The following MEIS1 variants were observed in gnomAD, a reference collection of about 807,000 sequenced individuals.
The protein encoded by MEIS1 is homeobox protein Meis1.
MEIS1 carries 5 observed loss-of-function variants against 50.8 expected under a neutral mutation model. The ratio of observed to expected loss-of-function variants is 0.10; its 90% CI spans 0.05 to 0.21. MEIS1 has a LOEUF of 0.21. Among genes scored for constraint, MEIS1 ranks in the 10% least tolerant of loss-of-function variants. MEIS1 has a pLI of 1.00. For synonymous variants in MEIS1, 176 were observed against 179.3 expected, an observed-to-expected ratio of 0.98 and a Z score of 0.15; for missense variants, 318 against 517.3, an observed-to-expected ratio of 0.61 and a Z score of 3.74.
chr2:66,556,136 A>G (rs1675058873), intron 9 of MEIS1, among the ~76,000 whole-genome samples: 1 of 152,200 alleles, frequency 6.6e-6, no homozygotes, highest in South Asian at 2.1e-4. Flanking sequence ...GCCCTCATAA[A>G]TCATTAATAT....
chr2:66,464,263 A>C (rs1236146058), intron 7 of MEIS1, 43 bp downstream of exon 7: 1 of 1,468,094 alleles, frequency 6.8e-7, no homozygotes, highest in Admixed American at 2.0e-5. Flanking sequence ...TTTCATTTTT[A>C]AGGATTGAAA....
chr2:66,453,545 T>A (rs1672321302), intron 6 of MEIS1, among the ~76,000 whole-genome samples: 1 of 151,902 alleles, frequency 6.6e-6, no homozygotes, highest in African/African-American at 2.4e-5. Flanking sequence ...CCAAGATAAA[T>A]AATGAAGGAA....
At chr2:66,489,395 C>A (rs1404038566) in intron 7 of MEIS1, among the ~76,000 whole-genome samples, 1 of 152,184 alleles carries the variant, frequency 6.6e-6, no homozygotes, top group East Asian at 1.9e-4. Context: ...TATATTTCAA[C>A]AGGCAGATGA....
At chr2:66,524,927 G>A (rs940073408) in intron 8 of MEIS1, among the ~76,000 whole-genome samples, 1 of 152,220 alleles carries the variant, frequency 6.6e-6, no homozygotes, top group African/African-American at 2.4e-5. Flanking sequence ...GTGCTCCTTG[G>A]CTGAGCACAG....
chr2:66,524,962 C>G (rs191004049), intron 8 of MEIS1, among the ~76,000 whole-genome samples: 1 of 152,286 alleles, frequency 6.6e-6, no homozygotes, highest in East Asian at 1.9e-4. Context: ...AATCCTAGCA[C>G]TTTGGGAGAC....
chr2:66,524,199 T>C (rs1260896910), intron 8 of MEIS1, among the ~76,000 whole-genome samples: 20 of 152,160 alleles, frequency 1.3e-4, no homozygotes. Context: ...ATTGCTCAAC[T>C]ACCTTCCTTG....
intron 7 of MEIS1, among the ~76,000 whole-genome samples, chr2:66,486,692 T>C (rs946026856): frequency 6.6e-6 from 1 of 152,226 alleles, no homozygotes; most frequent in Non-Finnish European, 1.5e-5. Context: ...CTTTGGGCAG[T>C]ATGGCCATAT....
At chr2:66,519,625 C>T (rs1396644970) in intron 8 of MEIS1, among the ~76,000 whole-genome samples, 2 of 152,088 alleles carry the variant, frequency 1.3e-5, no homozygotes, top group African/African-American at 4.8e-5. Context: ...TTTTTCATTG[C>T]CATTGCAAAA....
chr2:66,559,908 C>G (rs1675169332), intron 9 of MEIS1, among the ~76,000 whole-genome samples: 3 of 152,182 alleles, frequency 2.0e-5, no homozygotes, highest in Admixed American at 2.0e-4. Flanking sequence ...GCAATCCTCC[C>G]ACTTCAGCTT....
At chr2:66,517,462 T>G (rs2103864059) in intron 8 of MEIS1, among the ~76,000 whole-genome samples, 1 of 152,320 alleles carries the variant, frequency 6.6e-6, no homozygotes, top group South Asian at 2.1e-4. Context: ...AAATTAGCTC[T>G]TTTACATACA....
At chr2:66,516,728 A>G (rs1010478286) in intron 8 of MEIS1, among the ~76,000 whole-genome samples, 5 of 152,138 alleles carry the variant, frequency 3.3e-5, no homozygotes, top group African/African-American at 7.2e-5. Flanking sequence ...ACACTATTAG[A>G]TGAAAAGTGC....
At chr2:66,498,242 G>A (rs1462324431) in intron 7 of MEIS1, among the ~76,000 whole-genome samples, 1 of 152,114 alleles carries the variant, frequency 6.6e-6, no homozygotes, top group East Asian at 1.9e-4. Context: ...GCCAAACGAT[G>A]CGCGAAACAT....
chr2:66,452,875 G>T (rs535507513), intron 6 of MEIS1, among the ~76,000 whole-genome samples: 2 of 151,956 alleles, frequency 1.3e-5, no homozygotes, highest in East Asian at 3.9e-4. Flanking sequence ...ATTATGTCCC[G>T]TACTTCTTTG....
chr2:66,439,691 TG>T, intron 2 of MEIS1, 151 bp from the exon 3 acceptor site: 1 of 1,542,198 alleles, frequency 6.5e-7, no homozygotes. Context: ...CACCTGGGTC[TG>T]GGGGAGGGGG....
chr2:66,551,520 G>A (rs1674921939), intron 9 of MEIS1, among the ~76,000 whole-genome samples: 1 of 152,110 alleles, frequency 6.6e-6, no homozygotes, highest in Non-Finnish European at 1.5e-5. Flanking sequence ...GTGGGCCCTA[G>A]GATGGAATGT....
intron 8 of MEIS1, among the ~76,000 whole-genome samples, 181 bp from the exon 9 acceptor site, chr2:66,547,762 T>A (rs751055072): frequency 6.6e-6 from 1 of 152,226 alleles, no homozygotes; most frequent in Non-Finnish European, 1.5e-5. Flanking sequence ...ATACACTTCA[T>A]TAATCTTTGT....
At chr2:66,484,627 T>C (rs1164028541) in intron 7 of MEIS1, among the ~76,000 whole-genome samples, 2 of 152,230 alleles carry the variant, frequency 1.3e-5, no homozygotes, top group East Asian at 3.9e-4. Flanking sequence ...GGCACAATTT[T>C]GGCTCACTGC....
intron 7 of MEIS1, among the ~76,000 whole-genome samples, chr2:66,471,233 T>C (rs1342095465): frequency 6.6e-6 from 1 of 152,178 alleles, no homozygotes; most frequent in African/African-American, 2.4e-5. Flanking sequence ...GTCAACAGAG[T>C]CATTTCTTAT....
intron 2 of MEIS1, chr2:66,439,449 ACT>A (rs1671893149): frequency 7.3e-7 from 1 of 1,363,500 alleles, no homozygotes; most frequent in Non-Finnish European, 9.4e-7. Flanking sequence ...GCCCTCCCCA[ACT>A]CTCCGCCCGG....
Sources: allele counts gnomAD v4.1 joint callset (sites outside exome capture counted in the v4.1 genomes callset), GRCh38; gene constraint gnomAD v4.1.1; transcripts MANE v1.5; gene names NCBI Gene and HGNC (gene_info 2026-07-23, HGNC 2026-07-21).